The following RNF128 variants were observed in gnomAD, a reference collection of about 807,000 sequenced individuals.
RNF128 encodes the protein ring finger protein 128, also known as E3 ubiquitin-protein ligase RNF128.
RNF128 carries 13 observed loss-of-function variants against 26.2 expected under a neutral mutation model. The observed-to-expected ratio is 0.50, with a 90% CI of 0.32 to 0.79. The LOEUF is 0.79. RNF128 is among the 30% of genes least tolerant of loss of function. RNF128 has a pLI of 0.03. For synonymous variants in RNF128, 149 were observed against 142.5 expected (o/e 1.05, Z -0.32); for missense variants, 315 against 349.7 (o/e 0.90, Z 0.79).
chrX:106,749,098 A>G (rs1929836983), intron 1 of RNF128, among the ~76,000 whole-genome samples: 1 of 111,635 alleles, frequency 9.0e-6, no homozygotes. Context: ...CATCCTTCAC[A>G]TTTTCCAAAA....
chrX:106,791,208 C>T lies in RNF128; in HGVS notation c.1127C>T (p.Pro376Leu). 5.8e-6 allele frequency: 7 copies of T among 1,208,691 alleles called. No individual in the cohort carries two copies. Among genetic ancestry groups the T allele is most frequent in the Non-Finnish European group, 7.8e-6 (7 of 893,827 alleles). Reference sequence around the variant, plus strand: ...TCAGTACAGGGAACAGATGAACCGCCTCTGGAGGAACACGTGCAGTCAACA... The same window carrying T: ...TCAGTACAGGGAACAGATGAACCGCTTCTGGAGGAACACGTGCAGTCAACA... ...YASVQGTDEP[P>L]LEEHVQSTNE... The change falls in exon 6 of 7, where the codon CCT becomes CTT. Residue 376 changes from proline (P) to leucine (L), a missense_variant. By Grantham distance (98) the Pro-to-Leu change is moderately conservative. Coordinates refer to ENST00000255499, the MANE Select transcript of RNF128 (RefSeq NM_194463.2).
chrX:106,759,211 G>A (rs545468818), intron 1 of RNF128, among the ~76,000 whole-genome samples: 12 of 111,615 alleles, frequency 1.1e-4, no homozygotes, highest in East Asian at 8.4e-4. Context: ...CATCAGAAAT[G>A]CAAATAAAAA....
chrX:106,790,563 T>C lies in RNF128; in HGVS notation c.984+281T>C, dbSNP rs753779285. ...CATCCCTCTTTCTGTTTTTGTAATC[T>C]TTTACTATTGCATAGTGACCAAACT... On this transcript the variant is annotated intron_variant, in intron 5 of 6. Coordinates refer to ENST00000255499, the MANE Select transcript of RNF128 (RefSeq NM_194463.2). Among the ~76,000 whole-genome samples, 14 of 110,941 alleles carry C rather than the reference T, an allele frequency of 1.3e-4. 1 individual carries two copies. In the Admixed American group the frequency reaches 1.4e-3, roughly 11 times the overall value.
At chrX:106,700,028 A>AT (rs371053898) in intron 1 of RNF128, among the ~76,000 whole-genome samples, 227 of 101,514 alleles carry the variant, frequency 2.2e-3, no homozygotes, top group East Asian at 6.6e-3. Context: ...TATTTATTTA[A>AT]TTTTTTTTTT....
At chrX:106,786,416 G>T (rs1930659524) in intron 3 of RNF128, among the ~76,000 whole-genome samples, 2 of 111,196 alleles carry the variant, frequency 1.8e-5, no homozygotes, top group Admixed American at 1.9e-4. Context: ...AGACAAAAAA[G>T]AACTTAAATC....
chrX:106,741,505 T>G (rs1448324364), intron 1 of RNF128, among the ~76,000 whole-genome samples: 1 of 112,099 alleles, frequency 8.9e-6, no homozygotes, highest in East Asian at 2.8e-4. Context: ...ATCAGCACTG[T>G]GGCAATAAGC....
chrX:106,712,904 G>A (rs189289653), intron 1 of RNF128, among the ~76,000 whole-genome samples: 10,373 of 102,116 alleles, frequency 0.1, 1,593 homozygotes, highest in African/African-American at 0.37. Context: ...TTTTGAGATG[G>A]AGTCTCACTC....
intron 1 of RNF128, among the ~76,000 whole-genome samples, chrX:106,752,754 A>T (rs1338110796): frequency 1.8e-5 from 2 of 111,816 alleles, no homozygotes; most frequent in South Asian, 7.5e-4. Context: ...GAGGTATGTG[A>T]CCTTTTAGAC....
chrX:106,725,813 A>G (rs1929383529), upstream of RNF128, among the ~76,000 whole-genome samples: 1 of 112,980 alleles, frequency 8.9e-6, no homozygotes, highest in South Asian at 3.6e-4. Flanking sequence ...GACAGCAGGT[A>G]TATTAATTCA....
chrX:106,729,478 CA>C (rs1929466530), intron 1 of RNF128, among the ~76,000 whole-genome samples: 1 of 110,196 alleles, frequency 9.1e-6, no homozygotes, highest in South Asian at 3.8e-4. Context: ...TAACAGGATG[CA>C]AAAAAATAAT....
intron 3 of RNF128, 42 bp downstream of exon 3, chrX:106,785,178 G>T: frequency 1.0e-6 from 1 of 981,397 alleles, no homozygotes; most frequent in Non-Finnish European, 1.4e-6. Context: ...TTAAAGCAGT[G>T]CTACCAAGCC....
chrX:106,795,508 A>C lies in RNF128; in HGVS notation c.1154-72A>C, dbSNP rs1484167335. 22 of 996,371 alleles carry C rather than the reference A, an allele frequency of 2.2e-5. No homozygotes were observed. In the Admixed American group the frequency reaches 6.0e-4, roughly 27 times the overall value. 82.1% of individuals were successfully genotyped at this position (996,371 alleles called of 1,213,427 possible). On this transcript the variant is annotated intron_variant, in intron 6 of 6. Coordinates refer to ENST00000255499, the MANE Select transcript of RNF128 (RefSeq NM_194463.2). Reference sequence around the variant, plus strand: ...AATTAAATAAGAAAGACTTCTTGGAAGTAAATGTTGAATTTTGTCTTAAAA... The same window carrying C: ...AATTAAATAAGAAAGACTTCTTGGACGTAAATGTTGAATTTTGTCTTAAAA...
At chrX:106,721,270 T>C (rs1312489014) in intron 1 of RNF128, among the ~76,000 whole-genome samples, 6 of 112,290 alleles carry the variant, frequency 5.3e-5, no homozygotes, top group Non-Finnish European at 1.1e-4. Context: ...TGTCGAGCTG[T>C]GTATCCAGCA....
intron 1 of RNF128, among the ~76,000 whole-genome samples, chrX:106,701,242 A>G (rs1928951079): frequency 1.8e-5 from 2 of 111,301 alleles, no homozygotes; most frequent in Admixed American, 1.9e-4. Context: ...TAGGGCTACA[A>G]TAGTGATAAC....
chrX:106,728,143 T>A (rs1406588755), intron 1 of RNF128, among the ~76,000 whole-genome samples: 1 of 112,042 alleles, frequency 8.9e-6, no homozygotes, highest in Non-Finnish European at 1.9e-5. Context: ...AGGTTACTAT[T>A]TTTCCCCGTC....
chrX:106,769,564 TGCTTTCCA>T (rs1930330353), intron 1 of RNF128, among the ~76,000 whole-genome samples: 2 of 94,269 alleles, frequency 2.1e-5, no homozygotes, highest in African/African-American at 4.8e-5. Flanking sequence ...TTTTTTTTTT[TGCTTTCCA>T]TTTGCTTGGT....
chrX:106,764,676 AAAC>A (rs747082714), intron 1 of RNF128, among the ~76,000 whole-genome samples: 9 of 111,611 alleles, frequency 8.1e-5, no homozygotes, highest in African/African-American at 2.9e-4. Context: ...AAAAAAAACA[AAAC>A]AACAACAACA....
intron 1 of RNF128, among the ~76,000 whole-genome samples, chrX:106,771,502 A>T (rs1930369991): frequency 8.9e-6 from 1 of 112,515 alleles, no homozygotes; most frequent in Admixed American, 9.3e-5. Flanking sequence ...TTGATCTCAG[A>T]CTGCTGTGTT....
At chrX:106,753,959 T>C (rs1308638545) in intron 1 of RNF128, among the ~76,000 whole-genome samples, 1 of 111,944 alleles carries the variant, frequency 8.9e-6, no homozygotes, top group Non-Finnish European at 1.9e-5. Flanking sequence ...GCAAATATTA[T>C]ACAAACTAGA....
Sources: gnomAD v4.1 joint callset for allele counts (sites outside exome capture counted in the v4.1 genomes callset) on GRCh38, gnomAD v4.1.1 for gene constraint, MANE v1.5 for transcripts, NCBI Gene and HGNC (gene_info 2026-07-23, HGNC 2026-07-21) for gene names.